Variants in PLCZ1 observed in about 807,000 individuals in gnomAD.
The protein encoded by PLCZ1 is phospholipase C zeta 1.
PLCZ1 carries 64 observed loss-of-function variants against 76.8 expected under a neutral mutation model. The observed-to-expected ratio is 0.83, with a 90% confidence interval of 0.68 to 1.03. PLCZ1 has a LOEUF of 1.03. Among genes scored for constraint, PLCZ1 ranks in the 50% least tolerant of loss-of-function variants. The pLI is 0.00. For missense variants in PLCZ1, 751 were observed against 713.7 expected, an observed-to-expected ratio of 1.05 and a Z score of -0.60; for synonymous variants, 248 against 230.8, an observed-to-expected ratio of 1.07 and a Z score of -0.68.
At chr12:18,699,695 A>G in intron 10 of PLCZ1, 99 bp downstream of exon 10, 1 of 1,260,342 alleles carries the variant, frequency 7.9e-7, no homozygotes, top group Non-Finnish European at 1.2e-6. Flanking sequence ...AAATTTTATG[A>G]GAATATACAT....
At chr12:18,737,153 C>G (rs1251922593) in intron 2 of PLCZ1, among the ~76,000 whole-genome samples, 11 of 152,112 alleles carry the variant, frequency 7.2e-5, no homozygotes, top group Non-Finnish European at 1.6e-4. Context: ...ATAGTTATGA[C>G]TTAATCCAGC....
the PLCZ1 span, among the ~76,000 whole-genome samples, chr12:18,649,687 A>C: frequency 6.6e-6 from 1 of 152,166 alleles, no homozygotes; most frequent in African/African-American, 2.4e-5. Flanking sequence ...ACTTTAGTCA[A>C]AATCACTGTT....
At chr12:18,671,595 C>A in the PLCZ1 span, among the ~76,000 whole-genome samples, 1 of 151,952 alleles carries the variant, frequency 6.6e-6, no homozygotes, top group African/African-American at 2.4e-5. Flanking sequence ...GTGTACTAGG[C>A]ACATCACAAG....
the PLCZ1 span, chr12:18,648,461 ATACTTATACC>A: frequency 5.3e-6 from 1 of 190,148 alleles, no homozygotes; most frequent in East Asian, 8.5e-5. Context: ...TAAATTATAT[ATACTTATACC>A]TACTCATAAT....
the PLCZ1 span, among the ~76,000 whole-genome samples, chr12:18,653,532 C>T: frequency 1.3e-5 from 2 of 152,140 alleles, no homozygotes; most frequent in Admixed American, 1.3e-4. Flanking sequence ...TAACTCCAGA[C>T]ACAGGTATAC....
chr12:18,660,230 T>C, the PLCZ1 span, among the ~76,000 whole-genome samples: 1 of 152,176 alleles, frequency 6.6e-6, no homozygotes, highest in African/African-American at 2.4e-5. Context: ...TTCTCCTGCG[T>C]ATTTCTGGAT....
intron 6 of PLCZ1, among the ~76,000 whole-genome samples, chr12:18,708,922 T>C (rs978321667): frequency 6.6e-6 from 1 of 152,164 alleles, no homozygotes; most frequent in Non-Finnish European, 1.5e-5. Flanking sequence ...CCTTATCAGA[T>C]ACATGGTTTG....
downstream of PLCZ1, chr12:18,683,158 TAAAAAAGA>T: frequency 2.4e-6 from 3 of 1,235,994 alleles, no homozygotes; most frequent in Non-Finnish European, 3.5e-6. Context: ...TCTTTATGTT[TAAAAAAGA>T]AAACATAAAG....
At chr12:18,734,878 T>A in intron 3 of PLCZ1, among the ~76,000 whole-genome samples, 1 of 152,364 alleles carries the variant, frequency 6.6e-6, no homozygotes, top group Non-Finnish European at 1.5e-5. Flanking sequence ...CAGTTTATTT[T>A]ATATGATATT....
chr12:18,692,733 AT>A (rs1202062132), intron 12 of PLCZ1: 2 of 914,284 alleles, frequency 2.2e-6, no homozygotes, highest in Non-Finnish European at 3.5e-6. Context: ...TAAAGAAAAA[AT>A]GTTAAAAGCT....
the PLCZ1 span, among the ~76,000 whole-genome samples, chr12:18,651,088 A>T: frequency 6.6e-6 from 1 of 151,854 alleles, no homozygotes; most frequent in South Asian, 2.1e-4. Context: ...TCCCATCCTC[A>T]TCTCTCTGAT....
chr12:18,701,013 C>T (rs1264067744), intron 9 of PLCZ1, among the ~76,000 whole-genome samples: 3 of 150,868 alleles, frequency 2.0e-5, no homozygotes, highest in African/African-American at 7.3e-5. Context: ...AACAGGATCT[C>T]TCATTCTGTT....
intron 12 of PLCZ1, chr12:18,694,218 C>G: frequency 1.6e-6 from 1 of 620,448 alleles, no homozygotes; most frequent in South Asian, 2.1e-5. Context: ...AGCAAAACAT[C>G]CTGTGTCTTT....
the PLCZ1 span, among the ~76,000 whole-genome samples, chr12:18,670,236 G>C: frequency 6.6e-6 from 1 of 151,960 alleles, no homozygotes; most frequent in Non-Finnish European, 1.5e-5. Context: ...TTTTTCAGAA[G>C]AGTTGTTTTA....
At chr12:18,688,553 C>CAT (rs138210697) in intron 12 of PLCZ1, among the ~76,000 whole-genome samples, 8,724 of 146,756 alleles carry the variant, frequency 0.059, 323 homozygotes, top group African/African-American at 0.11. Flanking sequence ...TTTTTGAATT[C>CAT]ATATATATAT....
At position 18,706,254 on chromosome 12, in the gene PLCZ1, AAAG is replaced by A. The variant is rs1371138494; in HGVS notation, c.715-942_715-940del. On this transcript the variant is annotated intron_variant, in intron 6 of 14. Coordinates refer to ENST00000266505, the MANE Select transcript of PLCZ1 (RefSeq NM_033123.4). ...CTCAAAAATAAAAATAAAAAAAAAA[AAAG>A]AAGAAGACAGAGCTATCTATACTGC... Among the ~76,000 whole-genome samples the A allele has an allele frequency of 6.6e-5, 10 of 152,182 alleles. No homozygotes were observed. The South Asian group carries it at 1.5e-3, about 22-fold the overall frequency.
Position 18,723,475 on chromosome 12 carries a change from G to T in PLCZ1, c.203C>A (p.Thr68Lys), listed in dbSNP as rs753931496. The change falls in exon 4 of 15, where the codon ACG becomes AAG. Residue 68 changes from threonine (T) to lysine (K), a missense_variant. Coordinates refer to ENST00000266505, the MANE Select transcript of PLCZ1 (RefSeq NM_033123.4). Reference protein sequence around the residue: ...EEFRAIYRIITHREEIIEIFN... With the variant: ...EEFRAIYRIIKHREEIIEIFN... ...AATCTCAATAATTTCTTCTCTGTGC[G>T]TGATAATTCGATAAATTGCTCTAAA... is the stretch of plus-strand genomic sequence containing the variant. The T allele has an allele frequency of 6.2e-7, 1 of 1,612,722 alleles. No homozygotes were observed. Among genetic ancestry groups the T allele is most frequent in the Non-Finnish European group, 8.5e-7 (1 of 1,179,394 alleles).
intron 6 of PLCZ1, among the ~76,000 whole-genome samples, chr12:18,709,050 G>A (rs1320044278): frequency 2.6e-5 from 4 of 152,006 alleles, no homozygotes; most frequent in Non-Finnish European, 4.4e-5. Flanking sequence ...TTGCTTTTGT[G>A]ATCTGAGCTT....
the PLCZ1 span, among the ~76,000 whole-genome samples, chr12:18,658,404 A>G: frequency 6.6e-6 from 1 of 152,302 alleles, no homozygotes; most frequent in East Asian, 1.9e-4. Flanking sequence ...TCAAACTGTC[A>G]AAAGCAAAAG....
Sources: gnomAD v4.1 joint callset for allele counts (sites outside exome capture counted in the v4.1 genomes callset) on GRCh38, gnomAD v4.1.1 for gene constraint, MANE v1.5 for transcripts, NCBI Gene and HGNC (gene_info 2026-07-23, HGNC 2026-07-21) for gene names.